The following PAMR1 variants were observed in gnomAD, a reference collection of about 807,000 sequenced individuals.
The protein encoded by PAMR1 is inactive serine protease PAMR1.
PAMR1 carries 88 observed loss-of-function variants against 81.8 expected under a neutral mutation model. The observed-to-expected ratio is 1.08, with a 90% CI of 0.91 to 1.28. The LOEUF (loss-of-function observed/expected upper bound fraction) is 1.28, where lower values mean the gene tolerates loss of function less well. PAMR1 is among the 50% of genes most tolerant of loss of function. PAMR1 has a pLI of 0.00. For missense variants in PAMR1, 935 were observed against 919.7 expected (o/e 1.02, Z -0.21); for synonymous variants, 336 against 345.3 (o/e 0.97, Z 0.30).
At position 35,460,853 on chromosome 11, in the gene PAMR1, C is replaced by T. The variant is rs574852867; in HGVS notation, c.820+7148G>A. 4.0e-4 allele frequency among the ~76,000 whole-genome samples: 61 copies of T among 152,218 alleles called. No individual in the cohort carries two copies. The South Asian group carries it at 5.4e-3, about 13-fold the overall frequency. On this transcript the variant is annotated intron_variant, in intron 6 of 10. Coordinates refer to ENST00000619888, the MANE Select transcript of PAMR1 (RefSeq NM_001001991.3). Reference sequence around the variant, plus strand: ...CTAGTAATGGGATGGCTGAGTCAAACGGTATTTCTAGTTCTAGATCCCTGA... The same window carrying T: ...CTAGTAATGGGATGGCTGAGTCAAATGGTATTTCTAGTTCTAGATCCCTGA...
intron 7 of PAMR1, 66 bp from the exon 8 acceptor site, chr11:35,439,759 A>G (rs922993663): frequency 1.4e-6 from 2 of 1,383,266 alleles, no homozygotes; most frequent in African/African-American, 2.8e-5. Flanking sequence ...CATTCAGTTC[A>G]GATTCATACC....
chr11:35,468,416 A>G (rs1018629564), intron 5 of PAMR1, among the ~76,000 whole-genome samples: 1 of 152,228 alleles, frequency 6.6e-6, no homozygotes, highest in Non-Finnish European at 1.5e-5. Context: ...CCATGCTTGT[A>G]TCTCTCCCAT....
chr11:35,434,950 G>C, intron 9 of PAMR1, 146 bp from the exon 10 acceptor site: 1 of 735,168 alleles, frequency 1.4e-6, no homozygotes, highest in East Asian at 2.7e-5. Context: ...GTTTTCTTCT[G>C]CATTTAAATA....
At chr11:35,435,740 G>C (rs1448760547) in intron 9 of PAMR1, among the ~76,000 whole-genome samples, 163 bp downstream of exon 9, 1 of 152,082 alleles carries the variant, frequency 6.6e-6, no homozygotes, top group Non-Finnish European at 1.5e-5. Flanking sequence ...TGGGTAGTAA[G>C]GTTAAGCCAA....
intron 1 of PAMR1, among the ~76,000 whole-genome samples, chr11:35,523,547 A>G (rs116446303): frequency 4.2e-4 from 64 of 152,358 alleles, no homozygotes; most frequent in African/African-American, 1.4e-3. Flanking sequence ...GCCAGTGAGA[A>G]ACAACACTCT....
At chr11:35,492,659 T>C (rs1397486693) in intron 2 of PAMR1, among the ~76,000 whole-genome samples, 1 of 152,220 alleles carries the variant, frequency 6.6e-6, no homozygotes, top group African/African-American at 2.4e-5. Context: ...GTAACTTACT[T>C]TTGAATTTCA....
At chr11:35,462,697 C>A (rs975028053) in intron 6 of PAMR1, among the ~76,000 whole-genome samples, 9 of 152,152 alleles carry the variant, frequency 5.9e-5, no homozygotes, top group Admixed American at 6.5e-5. Context: ...ATCATCTCAT[C>A]CCCTCCCTAC....
chr11:35,521,539 C>G (rs1851279246), intron 1 of PAMR1, among the ~76,000 whole-genome samples: 2 of 152,184 alleles, frequency 1.3e-5, no homozygotes, highest in African/African-American at 4.8e-5. Flanking sequence ...CACTTGTGTC[C>G]TACTAAATAA....
intron 6 of PAMR1, among the ~76,000 whole-genome samples, chr11:35,450,333 T>C (rs780005782): frequency 1.8e-4 from 27 of 152,194 alleles, no homozygotes; most frequent in East Asian, 3.8e-4. Flanking sequence ...CTTTGGACTA[T>C]GTAATATCAG....
intron 3 of PAMR1, among the ~76,000 whole-genome samples, chr11:35,483,910 T>C (rs1850448785): frequency 6.6e-6 from 1 of 152,218 alleles, no homozygotes; most frequent in Admixed American, 6.5e-5. Context: ...CATACAATAC[T>C]TTGTCTGGTG....
chr11:35,469,826 A>G (rs1856818383), intron 5 of PAMR1, among the ~76,000 whole-genome samples: 1 of 152,096 alleles, frequency 6.6e-6, no homozygotes, highest in African/African-American at 2.4e-5. Context: ...ATCAAACTTC[A>G]AGCCTGTGTT....
chr11:35,507,912 G>C (rs1400149159), intron 1 of PAMR1, among the ~76,000 whole-genome samples: 1 of 151,840 alleles, frequency 6.6e-6, no homozygotes, highest in Admixed American at 6.6e-5. Flanking sequence ...TTCCAAATTG[G>C]GGAATTCCCA....
intron 1 of PAMR1, among the ~76,000 whole-genome samples, chr11:35,504,054 C>G (rs1045591826): frequency 3.3e-5 from 5 of 151,970 alleles, no homozygotes; most frequent in Non-Finnish European, 7.4e-5. Flanking sequence ...TCTTTCTATG[C>G]CTAGTTTTTT....
At chr11:35,497,216 C>T (rs1039170846) in intron 1 of PAMR1, among the ~76,000 whole-genome samples, 4 of 151,918 alleles carry the variant, frequency 2.6e-5, no homozygotes, top group South Asian at 2.1e-4. Context: ...AAATGAGGTA[C>T]GTGCATACAA....
At chr11:35,465,621 G>A (rs1430348063) in intron 6 of PAMR1, among the ~76,000 whole-genome samples, 1 of 152,186 alleles carries the variant, frequency 6.6e-6, no homozygotes, top group South Asian at 2.1e-4. Flanking sequence ...AAGGAAAAAT[G>A]AACCTGGATC....
intron 8 of PAMR1, among the ~76,000 whole-genome samples, chr11:35,438,338 C>T (rs1856095283): frequency 6.6e-6 from 1 of 152,184 alleles, no homozygotes; most frequent in Non-Finnish European, 1.5e-5. Context: ...TGAACTAATG[C>T]ATGAAAATAC....
chr11:35,435,451 A>T (rs677897), intron 9 of PAMR1, among the ~76,000 whole-genome samples: 3 of 152,072 alleles, frequency 2.0e-5, no homozygotes, highest in East Asian at 1.9e-4. Flanking sequence ...CAAATGACCC[A>T]CCCACCTTGG....
At chr11:35,438,449 A>G (rs908534711) in intron 8 of PAMR1, among the ~76,000 whole-genome samples, 3 of 152,226 alleles carry the variant, frequency 2.0e-5, no homozygotes, top group Non-Finnish European at 4.4e-5. Flanking sequence ...TGCTATGATT[A>G]TAACTACTTT....
intron 6 of PAMR1, among the ~76,000 whole-genome samples, chr11:35,464,811 T>C (rs1189482071): frequency 1.3e-5 from 2 of 152,240 alleles, no homozygotes; most frequent in African/African-American, 4.8e-5. Flanking sequence ...TTTTGACATA[T>C]ATTTCTGCAA....
Sources: allele counts gnomAD v4.1 joint callset (sites outside exome capture counted in the v4.1 genomes callset), GRCh38; gene constraint gnomAD v4.1.1; transcripts MANE v1.5; gene names NCBI Gene and HGNC (gene_info 2026-07-23, HGNC 2026-07-21).